Variants in SERPINI2 observed in about 807,000 individuals in gnomAD.
The protein encoded by SERPINI2 is serpin family I member 2.
A neutral mutation model predicts 47.3 loss-of-function variants in SERPINI2; 48 were observed. The observed-to-expected ratio is 1.02, with a 90% confidence interval of 0.81 to 1.29. The LOEUF (loss-of-function observed/expected upper bound fraction) is 1.29. Ranked by LOEUF, SERPINI2 falls within the 50% of genes most tolerant of loss-of-function variation. The pLI is 0.00. For synonymous variants in SERPINI2, 135 were observed against 149.3 expected, an observed-to-expected ratio of 0.90 and a Z score of 0.70; for missense variants, 448 against 456.9, an observed-to-expected ratio of 0.98 and a Z score of 0.18.
exon 3 of SERPINI2, chr3:167,467,088 T>A: frequency 6.2e-7 from 1 of 1,613,122 alleles, no homozygotes; most frequent in African/African-American, 1.3e-5. Context: ...GTACTTATCA[T>A]CTCTGCACAA....
chr3:167,458,552 G>C (rs1392771065), intron 5 of SERPINI2, among the ~76,000 whole-genome samples: 1 of 151,542 alleles, frequency 6.6e-6, no homozygotes, highest in Non-Finnish European at 1.5e-5. Flanking sequence ...GTGAGCCACC[G>C]CTCCCGGCTG....
At chr3:167,461,778 TG>T (rs1202394366) in intron 5 of SERPINI2, among the ~76,000 whole-genome samples, 1 of 151,966 alleles carries the variant, frequency 6.6e-6, no homozygotes, top group Non-Finnish European at 1.5e-5. Flanking sequence ...GTCCAACTAA[TG>T]TTTTTTTATT....
intron 7 of SERPINI2, among the ~76,000 whole-genome samples, chr3:167,448,843 A>C (rs907934758): frequency 5.9e-5 from 9 of 152,150 alleles, no homozygotes; most frequent in Non-Finnish European, 2.9e-5. Flanking sequence ...GGAGTTTTTA[A>C]AGCTTCCCAG....
At chr3:167,469,945 A>G (rs1443629599) in intron 2 of SERPINI2, among the ~76,000 whole-genome samples, 2 of 152,156 alleles carry the variant, frequency 1.3e-5, no homozygotes, top group Non-Finnish European at 2.9e-5. Context: ...AAATGAGAGA[A>G]TATATATTAA....
chr3:167,471,193 G>A (rs1226991416), intron 2 of SERPINI2, among the ~76,000 whole-genome samples: 2 of 151,984 alleles, frequency 1.3e-5, no homozygotes, highest in Non-Finnish European at 2.9e-5. Flanking sequence ...TCAGTTCCAT[G>A]ACATGGGAAA....
chr3:167,457,197 G>A (rs1414734908), intron 5 of SERPINI2, among the ~76,000 whole-genome samples: 2 of 152,136 alleles, frequency 1.3e-5, no homozygotes, highest in African/African-American at 4.8e-5. Context: ...TTTAAAGGCC[G>A]AGATTTCCAA....
chr3:167,458,233 G>GTGAAT, intron 5 of SERPINI2, among the ~76,000 whole-genome samples: 1 of 146,926 alleles, frequency 6.8e-6, no homozygotes, highest in Admixed American at 6.7e-5. Flanking sequence ...TGTAGTCTTA[G>GTGAAT]TGAATTTCTT....
chr3:167,464,061 G>A (rs1317179265), intron 5 of SERPINI2, among the ~76,000 whole-genome samples: 1 of 138,448 alleles, frequency 7.2e-6, no homozygotes. Context: ...TTGCCAGGCT[G>A]GAGTGCAGTG....
intron 5 of SERPINI2, among the ~76,000 whole-genome samples, chr3:167,461,104 A>G (rs992909043): frequency 6.6e-6 from 1 of 152,184 alleles, no homozygotes; most frequent in Non-Finnish European, 1.5e-5. Context: ...AAGGGAAACC[A>G]TGGAGGATTA....
intron 5 of SERPINI2, among the ~76,000 whole-genome samples, chr3:167,458,091 CT>C (rs1188787347): frequency 6.6e-6 from 1 of 152,166 alleles, no homozygotes; most frequent in East Asian, 1.9e-4. Context: ...TTCTTCAACT[CT>C]TTTAAAACCC....
rs759100413 is a variant in SERPINI2 at position 167,467,222 on chromosome 3, G to A, written c.311C>T (p.Thr104Ile). 2.5e-6 allele frequency: 4 copies of A among 1,613,158 alleles called. No homozygotes were observed. In the Admixed American group the frequency reaches 6.7e-5, roughly 27 times the overall value. ...GTAGAGGGCATTGGCAAGATTAAAT[G>A]TAAATTCTTGTTTTTTCTCTGAGAT... Residue 104 changes from threonine to isoleucine, a missense_variant, in exon 3 of 9, where the codon ACA becomes ATA. Transcript: ENST00000264677.
At chr3:167,475,638 A>G (rs1750459496), upstream of SERPINI2, among the ~76,000 whole-genome samples, 1 of 151,380 alleles carries the variant, frequency 6.6e-6, no homozygotes, top group Non-Finnish European at 1.5e-5. Context: ...ACGACAATAC[A>G]ATTGTCCATA....
chr3:167,444,241 G>A (rs892370722), intron 8 of SERPINI2, among the ~76,000 whole-genome samples: 1 of 152,064 alleles, frequency 6.6e-6, no homozygotes, highest in Non-Finnish European at 1.5e-5. Flanking sequence ...AGCCTATAAA[G>A]TTGGCCTACA....
In SERPINI2 at chr3:167,465,384, AT is replaced by A; in HGVS notation, c.687del (p.Glu229AspfsTer4). 1 of 1,602,586 alleles carries A rather than the reference AT, an allele frequency of 6.2e-7. No homozygotes were observed. The highest frequency in any genetic ancestry group is 8.5e-7 in the Non-Finnish European group (1 of 1,177,364). Reference sequence around the variant, plus strand: ...TCTAAAACTTGGTAGTTCAGGGAAGATTCAGAAAAATAACCTGGAATAGACA... The same window carrying A: ...TCTAAAACTTGGTAGTTCAGGGAAGATCAGAAAAATAACCTGGAATAGACA... On this transcript the variant is annotated frameshift_variant, in exon 5 of 9. Coordinates refer to ENST00000264677, the Ensembl canonical transcript of SERPINI2. LOFTEE classifies it high-confidence loss of function.
chr3:167,469,920 GTAAT>G (rs1391273063), intron 2 of SERPINI2, among the ~76,000 whole-genome samples: 1 of 152,044 alleles, frequency 6.6e-6, no homozygotes. Context: ...ACTTAACAAA[GTAAT>G]TATAAATATT....
At chr3:167,474,123 A>G (rs912767973) in exon 1 of SERPINI2, 1 of 997,594 alleles carries the variant, frequency 1.0e-6, no homozygotes, top group Non-Finnish European at 1.2e-6. Flanking sequence ...CCATTGCTTG[A>G]TTAATTCCTC....
chr3:167,471,613 A>G, exon 2 of SERPINI2: 1 of 1,613,530 alleles, frequency 6.2e-7, no homozygotes, highest in African/African-American at 1.3e-5. Context: ...GTTGTTTTAA[A>G]GTTTGTCTTA....
chr3:167,449,424 A>G (rs1268256158), intron 6 of SERPINI2, 22 bp from the exon 7 acceptor site: 5 of 1,467,778 alleles, frequency 3.4e-6, no homozygotes, highest in Non-Finnish European at 4.7e-6. Flanking sequence ...AAAATACACA[A>G]AAGTGTATTT....
intron 5 of SERPINI2, among the ~76,000 whole-genome samples, chr3:167,462,263 G>A (rs1376646208): frequency 6.6e-6 from 1 of 152,012 alleles, no homozygotes; most frequent in Non-Finnish European, 1.5e-5. Flanking sequence ...TCTTGTATTA[G>A]TTTGCTAGGG....
Sources: allele counts gnomAD v4.1 joint callset (sites outside exome capture counted in the v4.1 genomes callset), GRCh38; gene constraint gnomAD v4.1.1; transcripts MANE v1.5; gene names NCBI Gene and HGNC (gene_info 2026-07-23, HGNC 2026-07-21).